FRMD3: variants seen among roughly 807,000 people sequenced by gnomAD.
FRMD3 encodes the protein FERM domain containing 3.
FRMD3 carries 33 observed loss-of-function variants against 70.2 expected under a neutral mutation model. The observed-to-expected ratio is 0.47, with a 90% CI of 0.36 to 0.63. The LOEUF is 0.63. Ranked by LOEUF, FRMD3 falls within the 20% of genes least tolerant of loss-of-function variation. FRMD3 has a pLI of 0.00. For synonymous variants in FRMD3, 279 were observed against 255.9 expected (o/e 1.09, Z -0.86); for missense variants, 632 against 711.4 (o/e 0.89, Z 1.27).
intron 1 of FRMD3, among the ~76,000 whole-genome samples, chr9:83,496,088 C>T (rs9987431): frequency 0.011 from 1,673 of 152,276 alleles, 36 homozygotes; most frequent in African/African-American, 0.038. Flanking sequence ...AATTATTTTA[C>T]ACCATGTGCC....
At chr9:83,354,117 G>A (rs1306373921) in intron 3 of FRMD3, among the ~76,000 whole-genome samples, 1 of 152,050 alleles carries the variant, frequency 6.6e-6, no homozygotes, top group African/African-American at 2.4e-5. Context: ...GTAGAGACAG[G>A]GTTTCACCAC....
chr9:83,539,886 A>G (rs1342614633), upstream of FRMD3, among the ~76,000 whole-genome samples: 1 of 152,192 alleles, frequency 6.6e-6, no homozygotes, highest in African/African-American at 2.4e-5. Flanking sequence ...AGATGATAGT[A>G]TGGGGCATTC....
At chr9:83,294,174 G>C (rs551969544) in intron 12 of FRMD3, among the ~76,000 whole-genome samples, 2 of 152,330 alleles carry the variant, frequency 1.3e-5, no homozygotes, top group East Asian at 3.9e-4. Flanking sequence ...TTATAAAAGA[G>C]GTCTGAGAGA....
Position 83,357,226 on chromosome 9 carries a change from TTATATATATATAATACATACATA to T in FRMD3, c.296-7492_296-7470del, listed in dbSNP as rs1392250469. On this transcript the variant is annotated intron_variant, in intron 3 of 13. Coordinates refer to ENST00000304195, the MANE Select transcript of FRMD3 (RefSeq NM_174938.6). ...ATAACATACATGGAATATATATATT[TTATATATATATAATACATACATA>T]TATATATATATATATATATATATAT... 6.5e-4 allele frequency among the ~76,000 whole-genome samples: 10 copies of T among 15,324 alleles called. 2 individuals are homozygous for T. Among genetic ancestry groups the T allele is most frequent in the African/African-American group, 3.3e-3 (8 of 2,450 alleles). The allele number at this position is 15,324 out of a possible 152,430, so 10.1% of individuals were successfully genotyped here.
At chr9:83,542,446 A>G (rs968285792), upstream of FRMD3, among the ~76,000 whole-genome samples, 1 of 152,246 alleles carries the variant, frequency 6.6e-6, no homozygotes, top group East Asian at 1.9e-4. Context: ...CTCTGGTGAA[A>G]GAAATCAAAG....
At chr9:83,312,366 C>T (rs953803052) in intron 7 of FRMD3, among the ~76,000 whole-genome samples, 1 of 152,176 alleles carries the variant, frequency 6.6e-6, no homozygotes, top group African/African-American at 2.4e-5. Flanking sequence ...AAGCCCTGAG[C>T]ATCTAATTTT....
chr9:83,402,572 C>T (rs906828820), intron 1 of FRMD3, among the ~76,000 whole-genome samples: 4 of 151,810 alleles, frequency 2.6e-5, no homozygotes, highest in Non-Finnish European at 5.9e-5. Flanking sequence ...AAAATGTCCT[C>T]ATGCAAGGCT....
chr9:83,355,437 G>T (rs1333020324), intron 3 of FRMD3, among the ~76,000 whole-genome samples: 1 of 152,170 alleles, frequency 6.6e-6, no homozygotes, highest in African/African-American at 2.4e-5. Flanking sequence ...TGGTGCTCAG[G>T]CTTCAGCACC....
At chr9:83,467,540 G>T in intron 1 of FRMD3, 1 of 904,160 alleles carries the variant, frequency 1.1e-6, no homozygotes, top group Non-Finnish European at 1.8e-6. Flanking sequence ...TCAAAACATT[G>T]CATAGTAACT....
intron 1 of FRMD3, among the ~76,000 whole-genome samples, chr9:83,515,400 G>T (rs1829433669): frequency 6.6e-6 from 1 of 152,122 alleles, no homozygotes; most frequent in Non-Finnish European, 1.5e-5. Context: ...ATGAAATAAA[G>T]CATGAAGACA....
chr9:83,369,385 G>C (rs1243696441), intron 3 of FRMD3, among the ~76,000 whole-genome samples: 1 of 151,908 alleles, frequency 6.6e-6, no homozygotes, highest in African/African-American at 2.4e-5. Context: ...AGACCAGCCT[G>C]GCCAATATGG....
chr9:83,521,741 C>T (rs1302675084), intron 1 of FRMD3, among the ~76,000 whole-genome samples: 1 of 152,220 alleles, frequency 6.6e-6, no homozygotes, highest in Non-Finnish European at 1.5e-5. Context: ...ATGCCAACTT[C>T]CCACTGCACA....
At chr9:83,262,354 C>T (rs1833030682) in intron 13 of FRMD3, among the ~76,000 whole-genome samples, 1 of 152,172 alleles carries the variant, frequency 6.6e-6, no homozygotes, top group Non-Finnish European at 1.5e-5. Context: ...TGTTTTCATG[C>T]ACTGCTCACA....
intron 13 of FRMD3, among the ~76,000 whole-genome samples, chr9:83,269,609 T>C (rs1247368668): frequency 1.3e-5 from 2 of 151,980 alleles, no homozygotes; most frequent in Non-Finnish European, 2.9e-5. Flanking sequence ...CTCGGGAGGC[T>C]GAGGCAGGAG....
At chr9:83,548,088 C>T in the FRMD3 span, among the ~76,000 whole-genome samples, 5 of 152,100 alleles carry the variant, frequency 3.3e-5, no homozygotes, top group Admixed American at 1.3e-4. Context: ...CTAGTGAGAA[C>T]GTGGAGCAGA....
Position 83,404,828 on chromosome 9 carries a change from C to A in FRMD3, c.148-15120G>T, listed in dbSNP as rs550266790. ...TTTTTGCTTTGTGCCTTTTTATTTGCGTTTTCTAGCTTTCCTACAAACAAC... is the reference window on the plus strand; with the variant it reads ...TTTTTGCTTTGTGCCTTTTTATTTGAGTTTTCTAGCTTTCCTACAAACAAC... On this transcript the variant is annotated intron_variant, in intron 1 of 13. Transcript: ENST00000304195. Among the ~76,000 whole-genome samples the A allele has an allele frequency of 3.3e-5, 5 of 152,262 alleles. No homozygotes were observed. The South Asian group carries it at 8.3e-4, about 25-fold the overall frequency.
intron 13 of FRMD3, among the ~76,000 whole-genome samples, chr9:83,262,748 C>A (rs759127396): frequency 6.6e-6 from 1 of 152,110 alleles, no homozygotes; most frequent in Non-Finnish European, 1.5e-5. Context: ...TCCTCTGCAC[C>A]CAGATAGCTC....
Position 83,284,070 on chromosome 9 carries a change from T to A in FRMD3, c.1195+6533A>T, listed in dbSNP as rs1169119964. 8.8e-3 allele frequency among the ~76,000 whole-genome samples: 1,314 copies of A among 150,164 alleles called. 23 individuals carry two copies. The highest frequency in any genetic ancestry group is 0.043 in the East Asian group (220 of 5,110). The stretch of plus-strand genomic sequence containing the variant: ...GGCAAGCTAGGATGTTATTTTTTTT[T>A]TTTTTTTTTTTTTTGCTCATTTATG... On this transcript the variant is annotated intron_variant, in intron 13 of 13. Coordinates refer to ENST00000304195, the MANE Select transcript of FRMD3 (RefSeq NM_174938.6).
the FRMD3 span, among the ~76,000 whole-genome samples, chr9:83,575,544 T>C: frequency 6.6e-6 from 1 of 152,110 alleles, no homozygotes; most frequent in Non-Finnish European, 1.5e-5. Context: ...ACTAGGGAAT[T>C]CTCCCACTAT....
Sources: allele counts gnomAD v4.1 joint callset (sites outside exome capture counted in the v4.1 genomes callset), GRCh38; gene constraint gnomAD v4.1.1; transcripts MANE v1.5; gene names NCBI Gene and HGNC (gene_info 2026-07-23, HGNC 2026-07-21).